The following DNAJC7 variants were observed in gnomAD, a reference collection of about 807,000 sequenced individuals.
DNAJC7 encodes dnaJ homolog subfamily C member 7.
In DNAJC7, 18 loss-of-function variants were observed where a neutral mutation model predicts 67.4. The observed-to-expected ratio is 0.27, with a 90% CI of 0.18 to 0.40. The LOEUF is 0.40. Among genes scored for constraint, DNAJC7 ranks in the 10% least tolerant of loss-of-function variants. The pLI is 1.00. For synonymous variants in DNAJC7, 220 were observed against 207.8 expected, an observed-to-expected ratio of 1.06 and a Z score of -0.50; for missense variants, 419 against 613.8, an observed-to-expected ratio of 0.68 and a Z score of 3.35.
intron 6 of DNAJC7, among the ~76,000 whole-genome samples, 199 bp from the exon 7 acceptor site, chr17:41,989,756 A>G (rs2051466860): frequency 6.6e-6 from 1 of 152,252 alleles, no homozygotes; most frequent in Non-Finnish European, 1.5e-5. Context: ...CTTGTGTCTT[A>G]CAATCCTTAT....
Position 41,997,017 on chromosome 17 carries a change from T to C in DNAJC7, c.291+98A>G. The C allele has an allele frequency of 1.9e-6, 3 of 1,564,892 alleles. No individual in the cohort carries two copies. The Admixed American group carries it at 5.3e-5, about 28-fold the overall frequency. On this transcript the variant is annotated intron_variant, in intron 3 of 13. Coordinates refer to ENST00000457167, the MANE Select transcript of DNAJC7 (RefSeq NM_003315.4). ...TCCCCCACAACAAAGAATAATCTGG[T>C]CCCAAATGTCAGTAGTGTCAAGGTT...
chr17:42,016,996 G>A, intron 1 of DNAJC7: 1 of 1,271,036 alleles, frequency 7.9e-7, no homozygotes, highest in Non-Finnish European at 1.0e-6. Flanking sequence ...GGGGTCGGGG[G>A]CGATGTAAGG....
intron 2 of DNAJC7, among the ~76,000 whole-genome samples, chr17:41,999,374 G>A (rs368046048): frequency 2.0e-4 from 31 of 152,050 alleles, no homozygotes; most frequent in African/African-American, 6.8e-4. Flanking sequence ...CGCCCGCCTC[G>A]GCCTCCCAAA....
At chr17:42,004,241 A>G (rs912937021) in intron 1 of DNAJC7, among the ~76,000 whole-genome samples, 1 of 152,158 alleles carries the variant, frequency 6.6e-6, no homozygotes, top group Non-Finnish European at 1.5e-5. Context: ...TAAAGGCGTC[A>G]GCCACCACGC....
chr17:41,988,701 A>ATT, intron 8 of DNAJC7, 31 bp downstream of exon 8: 1 of 1,556,546 alleles, frequency 6.4e-7, no homozygotes, highest in Non-Finnish European at 8.6e-7. Flanking sequence ...AAATATTTCT[A>ATT]TAGGCCCCAA....
intron 1 of DNAJC7, chr17:42,017,021 G>A: frequency 7.6e-7 from 1 of 1,310,622 alleles, no homozygotes; most frequent in South Asian, 1.6e-5. Flanking sequence ...CGTCATCGAC[G>A]CCGCGCCGCT....
At chr17:42,000,435 AT>A in intron 2 of DNAJC7, 46 bp downstream of exon 2, 1 of 1,458,040 alleles carries the variant, frequency 6.9e-7, no homozygotes, top group Non-Finnish European at 9.5e-7. Context: ...TTTTAATAAT[AT>A]TTGGCAAGTA....
chr17:41,978,133 G>A (rs1417923203), intron 12 of DNAJC7, among the ~76,000 whole-genome samples: 1 of 151,930 alleles, frequency 6.6e-6, no homozygotes, highest in Admixed American at 6.5e-5. Context: ...GGCAGCGAAA[G>A]CAGCAGAACT....
chr17:41,983,868 C>T (rs539382382), intron 9 of DNAJC7, among the ~76,000 whole-genome samples: 2 of 152,350 alleles, frequency 1.3e-5, no homozygotes, highest in East Asian at 3.9e-4. Flanking sequence ...TGATGTTCAG[C>T]TTTGAGCAGA....
At chr17:42,006,146 G>C (rs117300738) in intron 1 of DNAJC7, among the ~76,000 whole-genome samples, 1 of 149,904 alleles carries the variant, frequency 6.7e-6, no homozygotes, top group African/African-American at 2.5e-5. Context: ...GGATATCATC[G>C]TGTTAGCCAG....
At chr17:41,977,153 C>T in intron 13 of DNAJC7, 108 bp downstream of exon 13, 1 of 1,127,868 alleles carries the variant, frequency 8.9e-7, no homozygotes, top group Non-Finnish European at 1.3e-6. Context: ...GATGAGAATT[C>T]AGCTGCCCCC....
At chr17:42,014,559 G>C (rs533433283) in intron 1 of DNAJC7, 4 of 151,604 alleles carry the variant, frequency 2.6e-5, no homozygotes, top group African/African-American at 9.7e-5. Context: ...AAACATAAAA[G>C]TCTGATAAGA....
chr17:42,002,393 T>C (rs1460510334), intron 1 of DNAJC7, among the ~76,000 whole-genome samples: 1 of 152,106 alleles, frequency 6.6e-6, no homozygotes, highest in African/African-American at 2.4e-5. Flanking sequence ...TAGTCGAAAG[T>C]GAAATAATGT....
chr17:41,994,669 T>C (rs2143222037), intron 5 of DNAJC7, among the ~76,000 whole-genome samples: 1 of 152,246 alleles, frequency 6.6e-6, no homozygotes, highest in East Asian at 1.9e-4. Flanking sequence ...TTACCTTTTA[T>C]CATAGGGCCA....
rs1228047279 is a variant in DNAJC7, at chr17:41,976,573, T to G, written c.*160A>C. 4 of 897,276 alleles carry G rather than the reference T, an allele frequency of 4.5e-6. No homozygotes were observed. Among genetic ancestry groups the G allele is most frequent in the Non-Finnish European group, 6.6e-6 (4 of 608,696 alleles). 55.6% of individuals were successfully genotyped at this position (897,276 alleles called of 1,614,324 possible). On this transcript the variant is annotated 3_prime_UTR_variant, in exon 14 of 14. Transcript: ENST00000457167. ...CCTCGGTCTTCGGCATTGGTTCCCTTTGCTCCACCCCACTCACAGAGACAC... is the reference window on the plus strand; with the variant it reads ...CCTCGGTCTTCGGCATTGGTTCCCTGTGCTCCACCCCACTCACAGAGACAC...
intron 1 of DNAJC7, among the ~76,000 whole-genome samples, chr17:42,009,094 C>T (rs1026803923): frequency 2.0e-5 from 3 of 152,162 alleles, no homozygotes; most frequent in Non-Finnish European, 2.9e-5. Flanking sequence ...AGAAGGTGAG[C>T]GCTATCCAAC....
chr17:41,976,462 T>TC lies in DNAJC7; in HGVS notation c.*270_*271insG, dbSNP rs1248389006. On this transcript the variant is annotated 3_prime_UTR_variant, in exon 14 of 14. Coordinates refer to ENST00000457167, the MANE Select transcript of DNAJC7 (RefSeq NM_003315.4). ...GGAAGGGTCAAAACATTTTATTCTC[T>TC]TTTTTTTTTCTTTTTTAATAAAGTT... is the stretch of plus-strand genomic sequence containing the variant. The TC allele has an allele frequency of 7.4e-5, 21 of 283,376 alleles. No homozygotes were observed. The Admixed American group carries it at 1.1e-3, about 15-fold the overall frequency. 17.6% of individuals were successfully genotyped at this position (283,376 alleles called of 1,614,324 possible).
Position 41,976,934 on chromosome 17 carries a change from A to C in DNAJC7, c.1448-164T>G, listed in dbSNP as rs539089230. ...GCTGTTTTTGGGTGCAAGAGGGAGC[A>C]CGTGACTGTATTATACATGGGTAGC... On this transcript the variant is annotated intron_variant, in intron 13 of 13. Coordinates refer to ENST00000457167, the MANE Select transcript of DNAJC7 (RefSeq NM_003315.4). 3.8e-6 allele frequency: 3 copies of C among 784,652 alleles called. No homozygotes were observed. The African/African-American group carries it at 5.3e-5, about 14-fold the overall frequency. The allele number at this position is 784,652 out of a possible 1,614,324, so 48.6% of individuals were successfully genotyped here.
rs2052035808 is a variant in DNAJC7 at position 42,008,614 on chromosome 17, G to T, written c.78-8044C>A. ...TTTAGTAGAGACGGGGTTTCACCGT[G>T]TTAGCCAGGATGGTCTCAATCTCCT... On this transcript the variant is annotated intron_variant, in intron 1 of 13. Transcript: ENST00000457167. Among the ~76,000 whole-genome samples, 3 of 152,176 alleles carry T rather than the reference G, an allele frequency of 2.0e-5. 1 individual carries two copies. The highest frequency in any genetic ancestry group is 6.8e-3 in the Middle Eastern group (2 of 294).
Sources: gnomAD v4.1 joint callset for allele counts (sites outside exome capture counted in the v4.1 genomes callset) on GRCh38, gnomAD v4.1.1 for gene constraint, MANE v1.5 for transcripts, NCBI Gene and HGNC (gene_info 2026-07-23, HGNC 2026-07-21) for gene names.